Variants in P3H3 observed in about 807,000 individuals in gnomAD.
P3H3 encodes the protein gene rich cluster, B.
In P3H3, 64 loss-of-function variants were observed where a neutral mutation model predicts 78.1. The ratio of observed to expected loss-of-function variants is 0.82; its 90% CI spans 0.67 to 1.01. The LOEUF is 1.01. Among genes scored for constraint, P3H3 ranks in the 50% least tolerant of loss-of-function variants. The pLI is 0.00. For missense variants in P3H3, 975 were observed against 982.2 expected, an observed-to-expected ratio of 0.99 and a Z score of 0.10; for synonymous variants, 425 against 416.7, an observed-to-expected ratio of 1.02 and a Z score of -0.24.
Position 6,831,266 on chromosome 12 carries a change from T to C in P3H3, c.1036T>C (p.Tyr346His), listed in dbSNP as rs1334648311. Residue 346 changes from tyrosine to histidine, a missense_variant, in exon 5 of 15, where the codon TAC (tyrosine) becomes CAC (histidine). Physicochemically the swap from Tyr to His is moderately conservative, Grantham distance 83. Transcript: ENST00000290510. This position sits in a 1 kb window ranked among gnomAD's most constrained non-coding sequence, Gnocchi z 4.6. Reference protein sequence around the residue: ...IENVLSVLLFYPEDEAAKRAL... With the variant: ...IENVLSVLLFHPEDEAAKRAL... ...AAATGTCCTGAGTGTCCTGCTCTTC[T>C]ACCCGGAGGATGAGGCTGCCAAGAG... 3.1e-6 allele frequency: 5 copies of C among 1,613,738 alleles called. No homozygotes were observed. In the African/African-American group the frequency reaches 5.3e-5, roughly 17 times the overall value.
Position 6,831,752 on chromosome 12 carries a change from A to G in P3H3, c.1123-73A>G, listed in dbSNP as rs558792868. On this transcript the variant is annotated intron_variant, in intron 5 of 14. Transcript: ENST00000290510. This position sits in a 1 kb window ranked among gnomAD's most constrained non-coding sequence, Gnocchi z 4.6. ...CAGGTTCAAGGAGCATGGAGCACCC[A>G]GGCAGTGCCCTAGAGCCGGCGCTTC... The G allele has an allele frequency of 2.1e-3, 1,889 of 920,296 alleles. 3 individuals are homozygous for G. The highest frequency in any genetic ancestry group is 2.7e-3 in the Non-Finnish European group (1,526 of 570,628). The allele number at this position is 920,296 out of a possible 1,614,324, so 57.0% of individuals were successfully genotyped here.
At chr12:6,832,217 T>C (rs1038996674) in intron 6 of P3H3, among the ~76,000 whole-genome samples, 2 of 152,218 alleles carry the variant, frequency 1.3e-5, no homozygotes, top group African/African-American at 4.8e-5. Flanking sequence ...ACCACATCAT[T>C]TGATAACAAA....
rs782333376 is a variant in P3H3, at chr12:6,833,979, G to T, written c.1388G>T (p.Gly463Val). 5 of 1,613,802 alleles carry T rather than the reference G, an allele frequency of 3.1e-6. No individual in the cohort carries two copies. The highest frequency in any genetic ancestry group is 1.1e-5 in the South Asian group (1 of 91,086). The change falls in exon 9 of 15, where the codon GGG becomes GTG. Residue 463 changes from glycine (G) to valine (V), a missense_variant. By Grantham distance (109) the Gly-to-Val change is moderately radical. Coordinates refer to ENST00000290510, the MANE Select transcript of P3H3 (RefSeq NM_014262.5). ...TLTQDSRQLN[G>V]SERAVLDGLL... Reference sequence around the variant, plus strand: ...ACCCAGGATTCCAGGCAGCTGAATGGGTCGGAGCGGGCGGTGTTGGATGGG... The same window carrying T: ...ACCCAGGATTCCAGGCAGCTGAATGTGTCGGAGCGGGCGGTGTTGGATGGG...
rs1555122364 is a variant in P3H3 at position 6,837,573 on chromosome 12, G to A, written c.1711G>A (p.Gly571Arg). Residue 571 changes from glycine to arginine, a missense_variant and splice_region_variant, in exon 11 of 15, where the codon GGA becomes AGA. Physicochemically the swap from Gly to Arg is moderately radical, Grantham distance 125. Transcript: ENST00000290510. The part of the protein sequence containing the change: ...THLVCRSAIE[G>R]EQEQRMDLSH... ...CCTGGTGTGCCGCAGCGCCATAGAA[G>A]GTACGACAGGGACCCCCCACTGCTC... The A allele has an allele frequency of 1.9e-6, 3 of 1,611,520 alleles. No homozygotes were observed. Among genetic ancestry groups the A allele is most frequent in the Middle Eastern group, 1.6e-4 (1 of 6,080 alleles).
chr12:6,838,078 G>T, intron 13 of P3H3, 45 bp downstream of exon 13: 6 of 1,563,690 alleles, frequency 3.8e-6, no homozygotes, highest in Non-Finnish European at 5.2e-6. Flanking sequence ...GGGCCCAGCT[G>T]TGGGGTCAGG....
chr12:6,830,828 G>C (rs782057593), intron 4 of P3H3, 58 bp downstream of exon 4: 186 of 1,605,452 alleles, frequency 1.2e-4, no homozygotes, highest in Non-Finnish European at 1.5e-4. Context: ...GCTATCCTGA[G>C]CTCCATCTCT....
chr12:6,830,216 G>A (rs1943433473), intron 2 of P3H3, 137 bp from the exon 3 acceptor site: 2 of 1,031,662 alleles, frequency 1.9e-6, no homozygotes, highest in African/African-American at 3.2e-5. Context: ...TGATTCTGAG[G>A]CCCACCCTTA....
intron 13 of P3H3, 119 bp from the exon 14 acceptor site, chr12:6,838,881 A>G: frequency 1.3e-6 from 1 of 770,904 alleles, no homozygotes. Flanking sequence ...AGGAGTAGGA[A>G]GTGGTAGCGA....
Position 6,830,623 on chromosome 12 carries a change from T to G in P3H3, c.854-16T>G. ...GGGCATGAACAAGCTGAATGGCTTATGGGTTTCCTCTGCAGGACACTGGAT... is the reference window on the plus strand; with the variant it reads ...GGGCATGAACAAGCTGAATGGCTTAGGGGTTTCCTCTGCAGGACACTGGAT... On this transcript the variant is annotated splice_polypyrimidine_tract_variant and intron_variant, in intron 3 of 14. Transcript: ENST00000290510. 1 of 1,607,204 alleles carries G rather than the reference T, an allele frequency of 6.2e-7. No homozygotes were observed. Among genetic ancestry groups the G allele is most frequent in the Non-Finnish European group, 8.5e-7 (1 of 1,176,782 alleles).
chr12:6,828,675 G>T lies in P3H3; in HGVS notation c.235G>T (p.Ala79Ser). The T allele has an allele frequency of 8.1e-7, 1 of 1,237,182 alleles. No individual in the cohort carries two copies. The highest frequency in any genetic ancestry group is 1.0e-6 in the Non-Finnish European group (1 of 990,618). The allele number at this position is 1,237,182 out of a possible 1,614,324, so 76.6% of individuals were successfully genotyped here. A position where few individuals can be genotyped will look rare whatever the true frequency, so the allele number is the denominator to read the frequency against. ...GGGCCGGGTGCGGCTGGATTGCGGG[G>T]CGAGCTGCGCGGCCGATCCGGGCGC... ...ALGRVRLDCGASCAADPGAAL... is the reference protein window; with the variant it reads ...ALGRVRLDCGSSCAADPGAAL... The change falls in exon 1 of 15, where the codon GCG becomes TCG. Residue 79 changes from alanine to serine, a missense_variant. Coordinates refer to ENST00000290510, the MANE Select transcript of P3H3 (RefSeq NM_014262.5).
chr12:6,835,915 A>G lies in P3H3; in HGVS notation c.1459-1070A>G, dbSNP rs781974584. On this transcript the variant is annotated intron_variant, in intron 9 of 14. Coordinates refer to ENST00000290510, the MANE Select transcript of P3H3 (RefSeq NM_014262.5). ...GAATGCAGTGGGAGAAAGACCCGGA[A>G]AAGGGGAGTAATTGACGAATGCCAC... 5.3e-4 allele frequency among the ~76,000 whole-genome samples: 81 copies of G among 152,160 alleles called. 1 individual carries two copies. Among genetic ancestry groups the G allele is most frequent in the South Asian group, 2.5e-3 (12 of 4,818 alleles).
At chr12:6,836,012 G>A (rs1341609270) in intron 9 of P3H3, among the ~76,000 whole-genome samples, 1 of 152,156 alleles carries the variant, frequency 6.6e-6, no homozygotes, top group Non-Finnish European at 1.5e-5. Flanking sequence ...AATGGCTTGA[G>A]CCCAGGAGTT....
At chr12:6,833,377 C>A in intron 6 of P3H3, 2 of 582,684 alleles carry the variant, frequency 3.4e-6, no homozygotes, top group East Asian at 2.9e-5. Flanking sequence ...TTAGAATAGC[C>A]CCTAGCAGAT....
At chr12:6,835,411 G>C (rs1469116631) in intron 9 of P3H3, among the ~76,000 whole-genome samples, 1 of 151,700 alleles carries the variant, frequency 6.6e-6, no homozygotes, top group Non-Finnish European at 1.5e-5. Context: ...GGTGAAACCC[G>C]GTCTTTACTA....
chr12:6,831,312 C>A lies in P3H3; in HGVS notation c.1082C>A (p.Ala361Asp), dbSNP rs782241432. Reference protein sequence around the residue: ...AAKRALNQYQAQLGEPRPGLG... With the variant: ...AAKRALNQYQDQLGEPRPGLG... ...AAGAGGGCTCTGAACCAGTACCAGG[C>A]CCAGCTGGGAGAGCCGAGACCTGGC... The change falls in exon 5 of 15, where the codon GCC becomes GAC. Residue 361 changes from alanine to aspartate, a missense_variant. Transcript: ENST00000290510. The surrounding 1 kb of genome is among the most constrained non-coding windows in gnomAD (Gnocchi z 4.6). 4 of 1,613,928 alleles carry A rather than the reference C, an allele frequency of 2.5e-6. No individual in the cohort carries two copies. The highest frequency in any genetic ancestry group is 2.2e-5 in the South Asian group (2 of 91,082).
chr12:6,839,682 C>T lies in P3H3; in HGVS notation c.*221C>T, dbSNP rs868987456. 7.1e-5 allele frequency: 41 copies of T among 579,256 alleles called. No homozygotes were observed. The highest frequency in any genetic ancestry group is 4.7e-4 in the Middle Eastern group (1 of 2,150). 35.9% of individuals were successfully genotyped at this position (579,256 alleles called of 1,614,324 possible). On this transcript the variant is annotated 3_prime_UTR_variant, in exon 15 of 15. Transcript: ENST00000290510. ...GGCCTGGGGAGCTGGGACGGGGCCC[C>T]GCTGCCGGACCTGCAGCCCTGGACA...
Position 6,828,430 on chromosome 12 carries a change from G to T in P3H3, c.-11G>T. ...CCGCATTTCCCCTCGGCTGCCGGCGGCTCCGACATCATGCTCCGGCTCCTC... is the reference window on the plus strand; with the variant it reads ...CCGCATTTCCCCTCGGCTGCCGGCGTCTCCGACATCATGCTCCGGCTCCTC... On this transcript the variant is annotated 5_prime_UTR_variant, in exon 1 of 15. Coordinates refer to ENST00000290510, the MANE Select transcript of P3H3 (RefSeq NM_014262.5). 1 of 665,828 alleles carries T rather than the reference G, an allele frequency of 1.5e-6. No homozygotes were observed. The highest frequency in any genetic ancestry group is 2.4e-6 in the Non-Finnish European group (1 of 412,602). 41.2% of individuals were successfully genotyped at this position (665,828 alleles called of 1,614,324 possible).
At chr12:6,836,235 G>GCCA in intron 9 of P3H3, among the ~76,000 whole-genome samples, 1 of 142,424 alleles carries the variant, frequency 7.0e-6, no homozygotes, top group East Asian at 2.1e-4. Flanking sequence ...AACAAAAAAT[G>GCCA]AAAAAAAAAA....
rs782260834 is a variant in P3H3, at chr12:6,838,008, C to T, written c.1880C>T (p.Thr627Met). The T allele has an allele frequency of 1.7e-5, 28 of 1,607,576 alleles. No homozygotes were observed. Among genetic ancestry groups the T allele is most frequent in the South Asian group, 1.2e-4 (11 of 89,746 alleles). Reference sequence around the variant, plus strand: ...TTCCAGGGTGGGGACCTGTTCTTCACGGAGCCCAACGCCCTCACTGTCACG... The same window carrying T: ...TTCCAGGGTGGGGACCTGTTCTTCATGGAGCCCAACGCCCTCACTGTCACG... ...DDFQGGDLFF[T>M]EPNALTVTAR... is the part of the protein sequence containing the mutation. The change falls in exon 13 of 15, where the codon ACG (threonine) becomes ATG (methionine). Residue 627 changes from threonine to methionine, a missense_variant. By Grantham distance (81) the Thr-to-Met change is moderately conservative. Coordinates refer to ENST00000290510, the MANE Select transcript of P3H3 (RefSeq NM_014262.5).
Sources: allele counts gnomAD v4.1 joint callset (sites outside exome capture counted in the v4.1 genomes callset), GRCh38; gene constraint gnomAD v4.1.1; non-coding constraint Gnocchi (gnomAD v3.1); transcripts MANE v1.5; gene names NCBI Gene and HGNC (gene_info 2026-07-23, HGNC 2026-07-21).